The following PCDHGA5 variants were observed in gnomAD, a reference collection of about 807,000 sequenced individuals.
The protein encoded by PCDHGA5 is protocadherin gamma-A5.
Under a neutral mutation model 56.7 loss-of-function variants are expected in PCDHGA5, and 36 were observed. The observed-to-expected ratio is 0.64, with a 90% CI of 0.49 to 0.84. The LOEUF (loss-of-function observed/expected upper bound fraction) is 0.84. Ranked by LOEUF, PCDHGA5 falls within the 40% of genes least tolerant of loss-of-function variation. The pLI, the probability that PCDHGA5 is intolerant of heterozygous loss-of-function variation, is 0.00. For missense variants in PCDHGA5, 1,305 were observed against 1,201.5 expected (o/e 1.09, Z -1.27); for synonymous variants, 563 against 520.2 (o/e 1.08, Z -1.12).
At chr5:141,418,409 G>T in intron 1 of PCDHGA5, 1 of 1,613,910 alleles carries the variant, frequency 6.2e-7, no homozygotes, top group Non-Finnish European at 8.5e-7. Flanking sequence ...GGTGGAGAAA[G>T]ACAATCCTGA....
chr5:141,371,752 AC>A (rs1278414887), intron 1 of PCDHGA5: 1 of 1,613,888 alleles, frequency 6.2e-7, no homozygotes, highest in Non-Finnish European at 8.5e-7. Flanking sequence ...CCCGTTTTCC[AC>A]CAGGCCTCCT....
chr5:141,477,258 C>A lies in PCDHGA5; in HGVS notation c.2422-17549C>A. ...TTGCTCAGTGTGACTGACCTGGATG[C>A]TGGCGAGAACGGGCTGGTGACCTGC... On this transcript the variant is annotated intron_variant, in intron 1 of 3. Coordinates refer to ENST00000518069, the MANE Select transcript of PCDHGA5 (RefSeq NM_018918.3). The surrounding 1 kb of genome is among the most constrained non-coding windows in gnomAD (Gnocchi z 4.9). 6.2e-7 allele frequency: 1 copy of A among 1,614,208 alleles called. No homozygotes were observed. Among genetic ancestry groups the A allele is most frequent in the Non-Finnish European group, 8.5e-7 (1 of 1,180,042 alleles).
chr5:141,493,908 G>A lies in PCDHGA5; in HGVS notation c.2422-899G>A, dbSNP rs1308946115. ...CTAGGAGTGCTCCATGAGAGTGTGT[G>A]ATGGGATAACACACCCCCTGGAAAG... On this transcript the variant is annotated intron_variant, in intron 1 of 3. Transcript: ENST00000518069. This position sits in a 1 kb window ranked among gnomAD's most constrained non-coding sequence, Gnocchi z 4.3. Among the ~76,000 whole-genome samples the A allele has an allele frequency of 6.6e-6, 1 of 152,208 alleles. No homozygotes were observed. The highest frequency in any genetic ancestry group is 1.5e-5 in the Non-Finnish European group (1 of 68,032).
chr5:141,389,084 T>C (rs376665735), intron 1 of PCDHGA5: 12 of 1,613,880 alleles, frequency 7.4e-6, no homozygotes, highest in Admixed American at 1.7e-5. Flanking sequence ...GAAACACGTA[T>C]AAATTAGTGA....
At chr5:141,428,146 C>T (rs549173211) in intron 1 of PCDHGA5, 15 of 1,589,346 alleles carry the variant, frequency 9.4e-6, no homozygotes, top group East Asian at 2.2e-5. Context: ...GGGCTGCACA[C>T]GGGAACCTGC....
rs1271916110 is a variant in PCDHGA5, at chr5:141,394,787, C to T, written c.2421+28036C>T. 11 of 1,613,632 alleles carry T rather than the reference C, an allele frequency of 6.8e-6. 1 individual carries two copies. The highest frequency in any genetic ancestry group is 9.3e-6 in the Non-Finnish European group (11 of 1,180,016). On this transcript the variant is annotated intron_variant, in intron 1 of 3. Transcript: ENST00000518069. ...GCCAGCCCCCTCTCTCCGCCACTGT[C>T]ACGCTCACCGTAGCCGTGGCTGACA... is the stretch of plus-strand genomic sequence containing the variant.
intron 1 of PCDHGA5, among the ~76,000 whole-genome samples, chr5:141,448,115 T>A (rs62379166): frequency 0.025 from 3,743 of 151,768 alleles, 65 homozygotes; most frequent in Middle Eastern, 0.086. Flanking sequence ...GAAAAGAAAA[T>A]TAGCCTCCCC....
chr5:141,423,236 C>G, intron 1 of PCDHGA5: 1 of 1,613,920 alleles, frequency 6.2e-7, no homozygotes, highest in Non-Finnish European at 8.5e-7. Flanking sequence ...GACAGCATCC[C>G]CGAAGTCCTG....
rs1256615029 is a variant in PCDHGA5 at position 141,512,740 on chromosome 5, C to T, written c.*1567C>T. ...GCGGGTGGGCAGCGGGCGGCGGGCT[C>T]CGCGCAGCCGTCTGTCCTTGATCTG... On this transcript the variant is annotated 3_prime_UTR_variant, in exon 4 of 4. Transcript: ENST00000518069. 1 of 152,788 alleles carries T rather than the reference C, an allele frequency of 6.5e-6. No individual in the cohort carries two copies. The highest frequency in any genetic ancestry group is 1.5e-5 in the Non-Finnish European group (1 of 68,570). The allele number at this position is 152,788 out of a possible 1,614,324, so 9.5% of individuals were successfully genotyped here.
chr5:141,420,187 C>G (rs1369031488), intron 1 of PCDHGA5: 1 of 1,613,706 alleles, frequency 6.2e-7, no homozygotes, highest in East Asian at 2.2e-5. Context: ...ATTGTCCAGC[C>G]ACACAAGATA....
chr5:141,409,669 C>A, intron 1 of PCDHGA5: 1 of 1,613,528 alleles, frequency 6.2e-7, no homozygotes, highest in Non-Finnish European at 8.5e-7. Context: ...ACATCTCCTA[C>A]TCTATAGTGG....
chr5:141,453,099 C>CT (rs568622146), intron 1 of PCDHGA5, among the ~76,000 whole-genome samples: 1 of 151,962 alleles, frequency 6.6e-6, no homozygotes, highest in East Asian at 1.9e-4. Flanking sequence ...TTTTCTGTTG[C>CT]TTTTTTGTTT....
chr5:141,467,693 G>A lies in PCDHGA5; in HGVS notation c.2422-27114G>A, dbSNP rs543886467. Among the ~76,000 whole-genome samples the A allele has an allele frequency of 2.0e-4, 30 of 152,110 alleles. No individual in the cohort carries two copies. In the South Asian group the frequency reaches 5.6e-3, roughly 28 times the overall value. On this transcript the variant is annotated intron_variant, in intron 1 of 3. Transcript: ENST00000518069. ...TTTTATTTTTTTTAGACAGGGTCTGGCTCTGTTGCCCAGGCTGGAGTGTAG... is the reference window on the plus strand; with the variant it reads ...TTTTATTTTTTTTAGACAGGGTCTGACTCTGTTGCCCAGGCTGGAGTGTAG...
chr5:141,419,834 A>C, intron 1 of PCDHGA5: 1 of 1,614,072 alleles, frequency 6.2e-7, no homozygotes, highest in Non-Finnish European at 8.5e-7. Context: ...AGCCACTGCC[A>C]CGCTGCACCT....
chr5:141,412,050 A>G (rs1465943762), intron 1 of PCDHGA5: 1 of 152,222 alleles, frequency 6.6e-6, no homozygotes, highest in African/African-American at 2.4e-5. Flanking sequence ...GTGAACTTCT[A>G]TACCCTTTGC....
In PCDHGA5 at chr5:141,365,475, T is replaced by C; in HGVS notation, c.1145T>C (p.Ile382Thr). 6.2e-7 allele frequency: 1 copy of C among 1,613,978 alleles called. No homozygotes were observed. The highest frequency in any genetic ancestry group is 8.5e-7 in the Non-Finnish European group (1 of 1,179,890). Reference sequence around the variant, plus strand: ...GGTGATTCTGGAGAAAATGGTGAGATTGCATGCTCTATTCCTAGGAATTTG... The same window carrying C: ...GGTGATTCTGGAGAAAATGGTGAGACTGCATGCTCTATTCCTAGGAATTTG... The part of the protein sequence containing the change: ...HDGDSGENGE[I>T]ACSIPRNLPF... The change falls in exon 1 of 4, where the codon ATT (isoleucine) becomes ACT (threonine). Residue 382 changes from isoleucine (I) to threonine (T), a missense_variant. Coordinates refer to ENST00000518069, the MANE Select transcript of PCDHGA5 (RefSeq NM_018918.3).
chr5:141,496,888 T>TAAA (rs35063790), intron 2 of PCDHGA5, among the ~76,000 whole-genome samples: 5 of 134,118 alleles, frequency 3.7e-5, no homozygotes, highest in East Asian at 4.4e-4. Context: ...AAGTAACACT[T>TAAA]AAAAAAAAAA....
At position 141,413,510 on chromosome 5, in the gene PCDHGA5, T is replaced by G. The variant is rs372002880; in HGVS notation, c.2421+46759T>G. On this transcript the variant is annotated intron_variant, in intron 1 of 3. Transcript: ENST00000518069. ...GCGCGGTGCGTGGTGAGTTTTAATA[T>G]CCTTGTGGAAGACAGGGTGAAACTT... The G allele has an allele frequency of 5.4e-5, 87 of 1,613,876 alleles. No individual in the cohort carries two copies. Among genetic ancestry groups the G allele is most frequent in the Middle Eastern group, 1.6e-4 (1 of 6,084 alleles).
intron 1 of PCDHGA5, chr5:141,409,922 T>C (rs752487198): frequency 1.2e-6 from 2 of 1,613,182 alleles, no homozygotes; most frequent in African/African-American, 2.7e-5. Context: ...CGGCTCCGCG[T>C]TCTTCGATAT....
Sources: gnomAD v4.1 joint callset for allele counts (sites outside exome capture counted in the v4.1 genomes callset) on GRCh38, gnomAD v4.1.1 for gene constraint, Gnocchi (gnomAD v3.1) non-coding constraint, MANE v1.5 for transcripts, NCBI Gene and HGNC (gene_info 2026-07-23, HGNC 2026-07-21) for gene names.